The following WNT9B variants were observed in gnomAD, a reference collection of about 807,000 sequenced individuals.
The protein encoded by WNT9B is protein Wnt-9b.
WNT9B carries 12 observed loss-of-function variants against 30.2 expected under a neutral mutation model. That is an observed-to-expected ratio of 0.40 (90% CI 0.26 to 0.64). WNT9B has a LOEUF of 0.64. WNT9B is among the 30% of genes least tolerant of loss of function. WNT9B has a pLI of 0.42. For synonymous variants in WNT9B, 218 were observed against 216.9 expected, an observed-to-expected ratio of 1.01 and a Z score of -0.05; for missense variants, 442 against 485.2, an observed-to-expected ratio of 0.91 and a Z score of 0.84.
upstream of WNT9B, among the ~76,000 whole-genome samples, chr17:46,848,126 G>A (rs930391323): frequency 5.9e-5 from 9 of 152,224 alleles, no homozygotes; most frequent in East Asian, 7.7e-4. Flanking sequence ...CTGTGTGAAC[G>A]TGTGGACCCA....
intron 1 of WNT9B, among the ~76,000 whole-genome samples, chr17:46,862,576 T>C (rs2085059060): frequency 6.6e-6 from 1 of 152,134 alleles, no homozygotes; most frequent in East Asian, 1.9e-4. Flanking sequence ...CTGAGTTTTT[T>C]TTGTTTGTTT....
chr17:46,838,071 AC>A (rs2084654708), intron 1 of WNT9B, among the ~76,000 whole-genome samples: 1 of 151,836 alleles, frequency 6.6e-6, no homozygotes, highest in Non-Finnish European at 1.5e-5. Context: ...GGGTGGAGGA[AC>A]CTTTTGCATT....
chr17:46,863,844 G>A (rs899568670), intron 1 of WNT9B, among the ~76,000 whole-genome samples: 4 of 152,228 alleles, frequency 2.6e-5, no homozygotes, highest in African/African-American at 4.8e-5. Context: ...CAAGGGAGCC[G>A]CTCACAACTA....
At position 46,877,524 on chromosome 17, in the gene WNT9B, G is replaced by A. The variant is rs965240116; in HGVS notation, c.*806G>A. On this transcript the variant is annotated 3_prime_UTR_variant, in exon 4 of 4. Transcript: ENST00000290015. ...CACCAAGGCGGGACTCAGTGCACCT[G>A]AGGTTGAACAGGGAGACAACGGCCC... Among the ~76,000 whole-genome samples, 2 of 152,216 alleles carry A rather than the reference G, an allele frequency of 1.3e-5. No individual in the cohort carries two copies. The highest frequency in any genetic ancestry group is 2.9e-5 in the Non-Finnish European group (2 of 68,034).
chr17:46,852,908 G>T (rs767972273), intron 1 of WNT9B, among the ~76,000 whole-genome samples: 1 of 152,108 alleles, frequency 6.6e-6, no homozygotes, highest in African/African-American at 2.4e-5. Flanking sequence ...ATGACCCCTG[G>T]TGGAAACATG....
chr17:46,886,370 T>C (rs1157049469), exon 5 of WNT9B: 1 of 152,194 alleles, frequency 6.6e-6, no homozygotes, highest in Non-Finnish European at 1.5e-5. Context: ...AATTAATAAA[T>C]AAAATTTGTA....
chr17:46,840,758 A>C (rs2084703853), intron 1 of WNT9B, among the ~76,000 whole-genome samples: 1 of 152,174 alleles, frequency 6.6e-6, no homozygotes, highest in Non-Finnish European at 1.5e-5. Context: ...ACCAGTGATG[A>C]TGAGCATTTT....
At chr17:46,870,904 C>CTTTTTTT (rs144277402) in intron 1 of WNT9B, among the ~76,000 whole-genome samples, 23 of 78,378 alleles carry the variant, frequency 2.9e-4, no homozygotes, top group East Asian at 9.0e-4. Context: ...TCCACCTTTG[C>CTTTTTTT]TTTTTTTTTT....
At chr17:46,872,117 C>T (rs749444748) in intron 1 of WNT9B, among the ~76,000 whole-genome samples, 5 of 152,162 alleles carry the variant, frequency 3.3e-5, no homozygotes, top group Admixed American at 1.3e-4. Context: ...CCAAACTTCC[C>T]GGATCACAAA....
chr17:46,859,643 C>T (rs1323922796), intron 1 of WNT9B, among the ~76,000 whole-genome samples: 1 of 152,152 alleles, frequency 6.6e-6, no homozygotes. Context: ...TCTAACTGTG[C>T]ACTATTTTTT....
chr17:46,872,924 T>A, intron 2 of WNT9B, 151 bp downstream of exon 2: 1 of 1,020,460 alleles, frequency 9.8e-7, no homozygotes, highest in Non-Finnish European at 1.4e-6. Context: ...ATGAGAAGAG[T>A]CACAAGAGTT....
At chr17:46,867,873 C>G (rs181662510) in intron 1 of WNT9B, among the ~76,000 whole-genome samples, 1 of 151,976 alleles carries the variant, frequency 6.6e-6, no homozygotes, top group Non-Finnish European at 1.5e-5. Context: ...GGGGTCCAAG[C>G]CAGAGGTCAT....
At chr17:46,835,072 G>A (rs1598820844) in intron 1 of WNT9B, among the ~76,000 whole-genome samples, 1 of 152,180 alleles carries the variant, frequency 6.6e-6, no homozygotes, top group East Asian at 1.9e-4. Context: ...AGTGCTCACT[G>A]TAGCCTCCAT....
rs140631324 is a variant in WNT9B, at chr17:46,858,919, G to A, written c.77+7204G>A. Among the ~76,000 whole-genome samples the A allele has an allele frequency of 1.0e-2, 1,515 of 151,812 alleles. 21 individuals are homozygous for A. The highest frequency in any genetic ancestry group is 0.035 in the African/African-American group (1,457 of 41,386). ...TGGGCTCAAGCAATTCTCCTGCCTC[G>A]GCCTCTCAAACTGCTGGGATTATTG... On this transcript the variant is annotated intron_variant, in intron 1 of 3. Transcript: ENST00000290015.
At chr17:46,870,436 A>G (rs2085220576) in intron 1 of WNT9B, among the ~76,000 whole-genome samples, 1 of 151,140 alleles carries the variant, frequency 6.6e-6, no homozygotes, top group African/African-American at 2.4e-5. Flanking sequence ...GACCTGGTGG[A>G]CTGGAAAATT....
At chr17:46,836,095 C>CTGTGTGTGTGTGTGTGT (rs771533837) in intron 1 of WNT9B, among the ~76,000 whole-genome samples, 2 of 126,434 alleles carry the variant, frequency 1.6e-5, no homozygotes, top group African/African-American at 6.4e-5. Context: ...GAGACGCTGA[C>CTGTGTGTGTGTGTGTGT]GTGTGTGTGT....
In WNT9B at chr17:46,876,624, T is replaced by A; in HGVS notation, c.980T>A (p.Val327Glu). 1 of 1,611,094 alleles carries A rather than the reference T, an allele frequency of 6.2e-7. No individual in the cohort carries two copies. The highest frequency in any genetic ancestry group is 1.7e-4 in the Middle Eastern group (1 of 6,056). ...GRGYDTQSRL[V>E]AFSCHCQVQW... ...GGCTATGACACCCAGAGCCGCCTGGTGGCCTTCTCCTGCCACTGCCAGGTG... is the reference window on the plus strand; with the variant it reads ...GGCTATGACACCCAGAGCCGCCTGGAGGCCTTCTCCTGCCACTGCCAGGTG... The change falls in exon 4 of 4, where the codon GTG becomes GAG. Residue 327 changes from valine (V) to glutamate (E), a missense_variant. Coordinates refer to ENST00000290015, the MANE Select transcript of WNT9B (RefSeq NM_003396.3).
Position 46,878,544 on chromosome 17 carries a change from G to A in WNT9B, c.*1826G>A, listed in dbSNP as rs1320827785. Among the ~76,000 whole-genome samples the A allele has an allele frequency of 6.6e-6, 1 of 152,212 alleles. No homozygotes were observed. Among genetic ancestry groups the A allele is most frequent in the Non-Finnish European group, 1.5e-5 (1 of 68,040 alleles). ...CAAGCACCTGGCCCACACCTTGGCA[G>A]CAGGAGAAAAATGGGGAGAGGGCTG... is the stretch of plus-strand genomic sequence containing the variant. On this transcript the variant is annotated 3_prime_UTR_variant, in exon 4 of 4. Coordinates refer to ENST00000290015, the MANE Select transcript of WNT9B (RefSeq NM_003396.3).
At chr17:46,849,498 C>T (rs1198750031), upstream of WNT9B, among the ~76,000 whole-genome samples, 1 of 152,194 alleles carries the variant, frequency 6.6e-6, no homozygotes, top group East Asian at 1.9e-4. Context: ...CAGTCCATGG[C>T]TCTTCCTTCT....
Sources: gnomAD v4.1 joint callset for allele counts (sites outside exome capture counted in the v4.1 genomes callset) on GRCh38, gnomAD v4.1.1 for gene constraint, MANE v1.5 for transcripts, NCBI Gene and HGNC (gene_info 2026-07-23, HGNC 2026-07-21) for gene names.